The following MED24 variants were observed in gnomAD, a reference collection of about 807,000 sequenced individuals.
The protein encoded by MED24 is mediator of RNA polymerase II transcription subunit 24.
A neutral mutation model predicts 118.8 loss-of-function variants in MED24; 74 were observed. That is an observed-to-expected ratio of 0.62 (90% CI 0.52 to 0.76). The LOEUF (loss-of-function observed/expected upper bound fraction) is 0.76. Among genes scored for constraint, MED24 ranks in the 30% least tolerant of loss-of-function variants. The pLI is 0.00. For missense variants in MED24, 1,041 were observed against 1,278.9 expected, an observed-to-expected ratio of 0.81 and a Z score of 2.84; for synonymous variants, 521 against 523.9, an observed-to-expected ratio of 0.99 and a Z score of 0.08.
chr17:40,040,067 G>A (rs1044734502), intron 3 of MED24, among the ~76,000 whole-genome samples: 20 of 150,758 alleles, frequency 1.3e-4, no homozygotes, highest in Non-Finnish European at 2.4e-4. Flanking sequence ...ACAGGTGTGA[G>A]CCACCATGCC....
rs547275352 is a variant in MED24, at chr17:40,022,325, G to T, written c.2523+69C>A. 62 of 1,477,986 alleles carry T rather than the reference G, an allele frequency of 4.2e-5. 1 individual carries two copies. In the Admixed American group the frequency reaches 1.1e-3, roughly 27 times the overall value. 91.6% of individuals were successfully genotyped at this position (1,477,986 alleles called of 1,614,324 possible). ...CCACAACTGCTTCCCTTTGCCTGGG[G>T]AATCCTTAGGAAATGCTGTAACAAA... is the stretch of plus-strand genomic sequence containing the variant. On this transcript the variant is annotated intron_variant, in intron 22 of 25. Transcript: ENST00000394128.
Position 40,035,091 on chromosome 17 carries a change from G to C in MED24, c.559+26C>G, listed in dbSNP as rs768744961. The C allele has an allele frequency of 1.9e-6, 3 of 1,611,768 alleles. No individual in the cohort carries two copies. In the South Asian group the frequency reaches 3.3e-5, roughly 18 times the overall value. ...CCGGCTATGGGAGCAGCGGCAGGTG[G>C]GGCTCAGGGGAATCAAGGGACATAC... On this transcript the variant is annotated intron_variant, in intron 6 of 25. Coordinates refer to ENST00000394128, the MANE Select transcript of MED24 (RefSeq NM_014815.4).
At chr17:40,037,351 C>A (rs1040246743) in intron 3 of MED24, among the ~76,000 whole-genome samples, 8 of 152,132 alleles carry the variant, frequency 5.3e-5, no homozygotes, top group African/African-American at 7.2e-5. Flanking sequence ...CAACCTCCCC[C>A]ACAAAGCTGA....
In MED24 at chr17:40,033,643, C is replaced by T; in HGVS notation, c.560-187G>A. On this transcript the variant is annotated intron_variant, in intron 6 of 25. Coordinates refer to ENST00000394128, the MANE Select transcript of MED24 (RefSeq NM_014815.4). The surrounding 1 kb of genome is among the most constrained non-coding windows in gnomAD (Gnocchi z 5.2). ...CTGTTTCCAGAAGGGGGGTGGGCAC[C>T]TAGAGCTGGAAACCCCAGAGACCAT... 1 of 697,134 alleles carries T rather than the reference C, an allele frequency of 1.4e-6. No homozygotes were observed. Among genetic ancestry groups the T allele is most frequent in the East Asian group, 2.7e-5 (1 of 36,644 alleles). 43.2% of individuals were successfully genotyped at this position (697,134 alleles called of 1,614,324 possible).
rs1406966950 is a variant in MED24 at position 40,028,891 on chromosome 17, C to A, written c.1344G>T (p.Leu448=). ...VLGHMLSGKS[L]DLLLAAAAAT... The stretch of plus-strand genomic sequence containing the variant: ...CGGCGGCGGCAGCCAGCAGCAAGTC[C>A]AGACTCTTCCCGGACAGCATGTGGC... The change falls in exon 14 of 26, where the codon CTG becomes CTT. Residue 448 remains leucine (L), a synonymous_variant. Transcript: ENST00000394128. 3 of 1,614,060 alleles carry A rather than the reference C, an allele frequency of 1.9e-6. No individual in the cohort carries two copies. The highest frequency in any genetic ancestry group is 2.5e-6 in the Non-Finnish European group (3 of 1,180,024).
In MED24 at chr17:40,032,309, C is replaced by T. The variant is rs1031941182; in HGVS notation, c.937-219G>A. On this transcript the variant is annotated intron_variant, in intron 9 of 25. Coordinates refer to ENST00000394128, the MANE Select transcript of MED24 (RefSeq NM_014815.4). ...ACAGGACACAAGCACCCTGCACCTC[C>T]GCTAGCTCAACAGAAAAAGATGCCA... 4.7e-5 allele frequency: 28 copies of T among 590,910 alleles called. No individual in the cohort carries two copies. The highest frequency in any genetic ancestry group is 6.2e-5 in the Non-Finnish European group (21 of 337,706). The allele number at this position is 590,910 out of a possible 1,614,324, so 36.6% of individuals were successfully genotyped here.
At chr17:40,032,497 A>C in intron 9 of MED24, 152 bp downstream of exon 9, 1 of 632,798 alleles carries the variant, frequency 1.6e-6, no homozygotes, top group Non-Finnish European at 2.8e-6. Flanking sequence ...TGGCACTTTC[A>C]GAGAAAATGA....
intron 3 of MED24, among the ~76,000 whole-genome samples, chr17:40,043,184 G>T (rs946534176): frequency 6.6e-5 from 10 of 152,178 alleles, no homozygotes; most frequent in African/African-American, 1.4e-4. Context: ...CTAACCTAAG[G>T]TGATCCACCC....
Position 40,031,211 on chromosome 17 carries a change from C to T in MED24, c.1102G>A (p.Gly368Ser). 2.5e-6 allele frequency: 4 copies of T among 1,573,664 alleles called. No homozygotes were observed. Among genetic ancestry groups the T allele is most frequent in the Non-Finnish European group, 3.5e-6 (4 of 1,158,306 alleles). Residue 368 changes from glycine to serine, a missense_variant, in exon 12 of 26, where the codon GGC becomes AGC. Transcript: ENST00000394128. Reference protein sequence around the residue: ...DCTNFLLQECGKQGLLSEASV... With the variant: ...DCTNFLLQECSKQGLLSEASV... ...GCCTCAGACAGAAGCCCCTGCTTGC[C>T]ACATTCTTGGAGCAGGAAGTTTGTA... is the stretch of plus-strand genomic sequence containing the variant.
intron 3 of MED24, among the ~76,000 whole-genome samples, chr17:40,043,020 C>T (rs999108917): frequency 6.6e-6 from 1 of 152,228 alleles, no homozygotes; most frequent in African/African-American, 2.4e-5. Context: ...GATGTGATCT[C>T]AGCTCACCGC....
chr17:40,049,642 T>G (rs1187118470), intron 3 of MED24, among the ~76,000 whole-genome samples: 1 of 152,106 alleles, frequency 6.6e-6, no homozygotes, highest in Non-Finnish European at 1.5e-5. Flanking sequence ...TTCTCCTGCC[T>G]CAGCCTCCCA....
At chr17:40,036,686 C>CAAA (rs68118020) in intron 3 of MED24, among the ~76,000 whole-genome samples, 19 of 91,320 alleles carry the variant, frequency 2.1e-4, no homozygotes, top group South Asian at 3.8e-4. Context: ...GACTCTGTCT[C>CAAA]AAAAAAAAAA....
At chr17:40,031,080 GA>G in intron 12 of MED24, 78 bp downstream of exon 12, 1 of 1,404,610 alleles carries the variant, frequency 7.1e-7, no homozygotes, top group Non-Finnish European at 9.9e-7. Context: ...ACAGGAGGTT[GA>G]AAGGCACGCA....
chr17:40,034,875 C>A, intron 6 of MED24: 1 of 458,750 alleles, frequency 2.2e-6, no homozygotes, highest in Non-Finnish European at 4.1e-6. Context: ...ACCCCCAGCA[C>A]CTAGCACAGT....
chr17:40,031,482 G>T, intron 11 of MED24, 56 bp downstream of exon 11: 4 of 1,518,464 alleles, frequency 2.6e-6, no homozygotes, highest in South Asian at 1.1e-5. Context: ...ACAGAGATCA[G>T]GGGAAGAGCC....
chr17:40,030,662 A>ATTTTT (rs34089076), intron 12 of MED24, among the ~76,000 whole-genome samples: 6 of 73,880 alleles, frequency 8.1e-5, no homozygotes, highest in Admixed American at 4.8e-4. Flanking sequence ...TTATTTATTT[A>ATTTTT]TTTATTTTTT....
intron 3 of MED24, among the ~76,000 whole-genome samples, chr17:40,046,866 G>A (rs1333572275): frequency 6.6e-6 from 1 of 152,094 alleles, no homozygotes; most frequent in Admixed American, 6.6e-5. Flanking sequence ...TACCAGCCTG[G>A]GCAACAAAGG....
rs769179547 is a variant in MED24, at chr17:40,026,830, T to G, written c.1709+26A>C. 6 of 1,611,028 alleles carry G rather than the reference T, an allele frequency of 3.7e-6. No homozygotes were observed. In the South Asian group the frequency reaches 6.6e-5, roughly 18 times the overall value. ...CTTGACCCTGCCCCCACCGCCACCC[T>G]TGGAGTGGGCGCCCGGGCCACTGAC... On this transcript the variant is annotated intron_variant, in intron 17 of 25. Transcript: ENST00000394128.
intron 3 of MED24, among the ~76,000 whole-genome samples, chr17:40,037,890 G>A (rs1405896509): frequency 2.0e-5 from 3 of 148,994 alleles, no homozygotes; most frequent in Admixed American, 6.7e-5. Flanking sequence ...CAGTGTGGGC[G>A]ACAGAGCTAG....
Sources: gnomAD v4.1 joint callset for allele counts (sites outside exome capture counted in the v4.1 genomes callset) on GRCh38, gnomAD v4.1.1 for gene constraint, Gnocchi (gnomAD v3.1) non-coding constraint, MANE v1.5 for transcripts, NCBI Gene and HGNC (gene_info 2026-07-23, HGNC 2026-07-21) for gene names.